The following SPTBN1 variants were observed in gnomAD, a reference collection of about 807,000 sequenced individuals.
SPTBN1 encodes the protein spectrin beta, non-erythrocytic 1, also known as spectrin beta chain, non-erythrocytic 1.
Under a neutral mutation model 266.4 loss-of-function variants are expected in SPTBN1, and 32 were observed. The ratio of observed to expected loss-of-function variants is 0.12; its 90% CI spans 0.09 to 0.16. The LOEUF (loss-of-function observed/expected upper bound fraction) is 0.16. SPTBN1 is among the 10% of genes least tolerant of loss of function. SPTBN1 has a pLI of 1.00. For synonymous variants in SPTBN1, 1,336 were observed against 1,162.2 expected (o/e 1.15, Z -3.04); for missense variants, 2,296 against 3,067.1 (o/e 0.75, Z 5.94).
chr2:54,639,419 C>T (rs908138558), intron 18 of SPTBN1, among the ~76,000 whole-genome samples: 1 of 152,172 alleles, frequency 6.6e-6, no homozygotes, highest in Non-Finnish European at 1.5e-5. Flanking sequence ...AATGGGATCC[C>T]ACACTCCTGC....
At chr2:54,539,396 A>T (rs1176032371) in intron 2 of SPTBN1, among the ~76,000 whole-genome samples, 1 of 152,248 alleles carries the variant, frequency 6.6e-6, no homozygotes, top group Non-Finnish European at 1.5e-5. Flanking sequence ...ATTACATTGT[A>T]CATTACAGTG....
intron 2 of SPTBN1, among the ~76,000 whole-genome samples, chr2:54,594,566 C>T (rs972937164): frequency 6.6e-6 from 1 of 152,090 alleles, no homozygotes; most frequent in African/African-American, 2.4e-5. Flanking sequence ...GGATTAGATA[C>T]GGAAGGACGA....
At chr2:54,639,466 C>T (rs75548842) in intron 18 of SPTBN1, among the ~76,000 whole-genome samples, 307 of 152,268 alleles carry the variant, frequency 2.0e-3, no homozygotes, top group African/African-American at 7.2e-3. Context: ...AATTCATTTA[C>T]CTAACCATGG....
chr2:54,521,058 G>A (rs771426522), intron 1 of SPTBN1, among the ~76,000 whole-genome samples: 7 of 152,178 alleles, frequency 4.6e-5, no homozygotes, highest in Non-Finnish European at 1.0e-4. Context: ...GGGAGGCATG[G>A]CCAATAGCAC....
intron 7 of SPTBN1, among the ~76,000 whole-genome samples, chr2:54,620,964 A>G (rs923683215): frequency 2.0e-5 from 3 of 152,146 alleles, no homozygotes; most frequent in Non-Finnish European, 4.4e-5. Flanking sequence ...ATGTGACAGG[A>G]TGGGTCTGAA....
chr2:54,544,592 T>G (rs1672127255), intron 2 of SPTBN1, among the ~76,000 whole-genome samples: 1 of 152,150 alleles, frequency 6.6e-6, no homozygotes, highest in African/African-American at 2.4e-5. Context: ...CATGACTAAT[T>G]TAAAACAGGA....
chr2:54,504,343 A>G (rs185933469), intron 1 of SPTBN1, among the ~76,000 whole-genome samples: 2 of 152,314 alleles, frequency 1.3e-5, no homozygotes, highest in Admixed American at 1.3e-4. Flanking sequence ...TTTTTCGGAG[A>G]ATAAAATCCT....
chr2:54,479,052 G>C (rs962019166), intron 1 of SPTBN1, among the ~76,000 whole-genome samples: 15 of 152,148 alleles, frequency 9.9e-5, no homozygotes, highest in African/African-American at 3.1e-4. Context: ...GCCTGGCCAG[G>C]CTGAAGGAAA....
intron 2 of SPTBN1, among the ~76,000 whole-genome samples, chr2:54,530,342 A>G (rs1305288575): frequency 7.4e-6 from 1 of 135,322 alleles, no homozygotes; most frequent in African/African-American, 2.6e-5. Flanking sequence ...TTATCTGTGA[A>G]TTGTAAAAAA....
intron 4 of SPTBN1, among the ~76,000 whole-genome samples, chr2:54,615,180 A>G (rs11902659): frequency 0.23 from 35,142 of 152,192 alleles, 5,049 homozygotes; most frequent in African/African-American, 0.41. Flanking sequence ...TGTTTTTCCT[A>G]GTTGAAAGTT....
At chr2:54,513,201 A>G (rs1289436612) in intron 1 of SPTBN1, among the ~76,000 whole-genome samples, 1 of 152,144 alleles carries the variant, frequency 6.6e-6, no homozygotes, top group African/African-American at 2.4e-5. Context: ...CAAAAAAGAA[A>G]CCACACTAGA....
intron 2 of SPTBN1, among the ~76,000 whole-genome samples, chr2:54,582,831 CTG>C (rs1303786100): frequency 1.3e-5 from 2 of 152,180 alleles, no homozygotes; most frequent in East Asian, 3.9e-4. Context: ...ACTGCTGGGA[CTG>C]TGCTTGCTTC....
intron 1 of SPTBN1, among the ~76,000 whole-genome samples, chr2:54,508,944 AT>A (rs780704919): frequency 3.3e-5 from 5 of 152,166 alleles, no homozygotes; most frequent in South Asian, 2.1e-4. Context: ...ATATAACAGC[AT>A]GGTGGTGCAG....
chr2:54,644,475 C>A lies in SPTBN1; in HGVS notation c.4158C>A (p.Thr1386=). ...LFDANKAELF[T]QSCADLDKWL... ...ATGCAAACAAGGCCGAACTTTTCAC[C>A]CAGAGCTGTGCAGATCTAGACAAAT... The change falls in exon 20 of 36, where the codon ACC becomes ACA. Residue 1386 remains threonine (T), a synonymous_variant. Transcript: ENST00000356805. 1 of 1,614,200 alleles carries A rather than the reference C, an allele frequency of 6.2e-7. No homozygotes were observed. The highest frequency in any genetic ancestry group is 8.5e-7 in the Non-Finnish European group (1 of 1,180,032).
intron 32 of SPTBN1, 159 bp downstream of exon 32, chr2:54,660,158 C>G (rs1168955250): frequency 1.3e-6 from 2 of 1,528,808 alleles, no homozygotes; most frequent in South Asian, 2.6e-5. Flanking sequence ...TTCCACTTCA[C>G]CCAAAATGTT....
At chr2:54,510,171 C>T (rs1407883315) in intron 1 of SPTBN1, among the ~76,000 whole-genome samples, 1 of 152,002 alleles carries the variant, frequency 6.6e-6, no homozygotes, top group African/African-American at 2.4e-5. Context: ...GTTGGCCAGG[C>T]TGGTCTCAAC....
At position 54,632,597 on chromosome 2, in the gene SPTBN1, C is replaced by T. The variant is rs1475723396; in HGVS notation, c.3596C>T (p.Thr1199Ile). Reference protein sequence around the residue: ...EYVLAHTEMPTTLEGAEAAIK... With the variant: ...EYVLAHTEMPITLEGAEAAIK... ...GTTCTGGCTCACACTGAAATGCCTA[C>T]CACCTTGGAAGGAGCTGAAGCAGCA... The change falls in exon 17 of 36, where the codon ACC becomes ATC. Residue 1199 changes from threonine to isoleucine, a missense_variant. Thr to Ile is a moderately conservative substitution (Grantham distance 89). Around this residue, in one of 12 missense-constraint regions of SPTBN1, gnomAD observed 386 missense variants for 486.1 expected, o/e 0.79. Transcript: ENST00000356805. The T allele has an allele frequency of 6.2e-7, 1 of 1,614,212 alleles. No individual in the cohort carries two copies. Among genetic ancestry groups the T allele is most frequent in the East Asian group, 2.2e-5 (1 of 44,886 alleles).
intron 2 of SPTBN1, among the ~76,000 whole-genome samples, chr2:54,577,744 G>T (rs1035027120): frequency 6.6e-6 from 1 of 152,198 alleles, no homozygotes; most frequent in Non-Finnish European, 1.5e-5. Flanking sequence ...TCCAACCCAC[G>T]CAGTGCGCTT....
rs962631212 is a variant in SPTBN1, at chr2:54,645,746, G to A, written c.4495-182G>A. 6.6e-6 allele frequency among the ~76,000 whole-genome samples: 1 copy of A among 152,178 alleles called. No homozygotes were observed. Among genetic ancestry groups the A allele is most frequent in the Non-Finnish European group, 1.5e-5 (1 of 68,030 alleles). On this transcript the variant is annotated intron_variant, in intron 21 of 35. Coordinates refer to ENST00000356805, the MANE Select transcript of SPTBN1 (RefSeq NM_003128.3). This position sits in a 1 kb window ranked among gnomAD's most constrained non-coding sequence, Gnocchi z 4.3. Reference sequence around the variant, plus strand: ...TGACCTTGAGGATGAGGTAGAGTTGGAAAGACTCTCCCTAGCCCTGTCTCG... The same window carrying A: ...TGACCTTGAGGATGAGGTAGAGTTGAAAAGACTCTCCCTAGCCCTGTCTCG...
Sources: allele counts gnomAD v4.1 joint callset (sites outside exome capture counted in the v4.1 genomes callset), GRCh38; gene constraint gnomAD v4.1.1; regional missense constraint gnomAD v4.1.1; non-coding constraint Gnocchi (gnomAD v3.1); transcripts MANE v1.5; gene names NCBI Gene and HGNC (gene_info 2026-07-23, HGNC 2026-07-21).